The following TMEM117 variants were observed in gnomAD, a reference collection of about 807,000 sequenced individuals.
TMEM117 encodes the protein transmembrane protein 117.
Under a neutral mutation model 52.4 loss-of-function variants are expected in TMEM117, and 27 were observed. The ratio of observed to expected loss-of-function variants is 0.51; its 90% CI spans 0.38 to 0.71. TMEM117 has a LOEUF of 0.71. TMEM117 is among the 30% of genes least tolerant of loss of function. The probability of loss-of-function intolerance (pLI) is 0.00; values close to 1 mark genes in which losing one functional copy is unlikely to be tolerated. For missense variants in TMEM117, 556 were observed against 630.5 expected (o/e 0.88, Z 1.26); for synonymous variants, 215 against 206.3 (o/e 1.04, Z -0.36).
intron 6 of TMEM117, among the ~76,000 whole-genome samples, chr12:44,300,554 T>G (rs1950826671): frequency 6.6e-6 from 1 of 152,364 alleles, no homozygotes. Flanking sequence ...GATAGCAGAT[T>G]GGTTTTCTCA....
intron 6 of TMEM117, among the ~76,000 whole-genome samples, chr12:44,315,829 A>G (rs1430653693): frequency 6.6e-6 from 1 of 152,058 alleles, no homozygotes; most frequent in African/African-American, 2.4e-5. Context: ...TTCCTATTTT[A>G]TTATTGCTGG....
intron 3 of TMEM117, among the ~76,000 whole-genome samples, chr12:43,988,099 A>G (rs1336339043): frequency 6.6e-6 from 1 of 152,176 alleles, no homozygotes; most frequent in Non-Finnish European, 1.5e-5. Context: ...GAAAGACATT[A>G]CTACCTATGG....
intron 5 of TMEM117, among the ~76,000 whole-genome samples, chr12:44,271,752 G>A (rs1285919269): frequency 1.3e-5 from 2 of 151,816 alleles, no homozygotes; most frequent in Non-Finnish European, 2.9e-5. Context: ...AGATTACATC[G>A]AGCTAAAAAA....
intron 6 of TMEM117, among the ~76,000 whole-genome samples, chr12:44,361,259 TAC>T (rs1403942847): frequency 2.0e-5 from 3 of 152,156 alleles, no homozygotes; most frequent in Non-Finnish European, 2.9e-5. Context: ...ACTCCTGTAA[TAC>T]AGTGATGAGC....
chr12:44,023,134 T>A (rs529455634), intron 3 of TMEM117, among the ~76,000 whole-genome samples: 13 of 152,346 alleles, frequency 8.5e-5, no homozygotes, highest in African/African-American at 3.1e-4. Flanking sequence ...TTCATCCATG[T>A]CCCTACAGAA....
intron 5 of TMEM117, among the ~76,000 whole-genome samples, chr12:44,232,997 A>T (rs1210089327): frequency 1.3e-5 from 2 of 151,232 alleles, no homozygotes; most frequent in African/African-American, 4.8e-5. Flanking sequence ...AAGCTTATTA[A>T]ATTATTATAC....
Position 43,859,166 on chromosome 12 carries a change from T to G in TMEM117, c.277+14238T>G, listed in dbSNP as rs11182308. 8.7e-3 allele frequency among the ~76,000 whole-genome samples: 1,330 copies of G among 152,350 alleles called. 38 individuals are homozygous for G. The highest frequency in any genetic ancestry group is 0.067 in the East Asian group (347 of 5,188). On this transcript the variant is annotated intron_variant, in intron 2 of 7. Transcript: ENST00000266534. Reference sequence around the variant, plus strand: ...GAAGTCTCTGTGTTCGATTACTGTTTCTGCATTTCCTGTGTGTGAACCTGA... The same window carrying G: ...GAAGTCTCTGTGTTCGATTACTGTTGCTGCATTTCCTGTGTGTGAACCTGA...
intron 3 of TMEM117, among the ~76,000 whole-genome samples, chr12:43,970,819 G>C (rs974172346): frequency 7.9e-5 from 12 of 151,964 alleles, no homozygotes; most frequent in African/African-American, 2.9e-4. Context: ...CTCTAGTTAG[G>C]CTACTTGTAT....
chr12:44,246,005 A>G (rs555223794), intron 5 of TMEM117, among the ~76,000 whole-genome samples: 1 of 152,276 alleles, frequency 6.6e-6, no homozygotes, highest in East Asian at 1.9e-4. Flanking sequence ...GTTCTAAATT[A>G]GGTTAGAGCA....
intron 4 of TMEM117, among the ~76,000 whole-genome samples, chr12:44,195,411 T>A (rs1353310012): frequency 2.6e-5 from 4 of 152,168 alleles, no homozygotes. Context: ...AGTAAATTAG[T>A]ACCACCCAAT....
Position 43,864,215 on chromosome 12 carries a change from C to G in TMEM117, c.277+19287C>G, listed in dbSNP as rs535196935. Among the ~76,000 whole-genome samples the G allele has an allele frequency of 1.9e-4, 29 of 152,306 alleles. 1 individual carries two copies. In the South Asian group the frequency reaches 6.0e-3, roughly 32 times the overall value. On this transcript the variant is annotated intron_variant, in intron 2 of 7. Coordinates refer to ENST00000266534, the MANE Select transcript of TMEM117 (RefSeq NM_032256.3). Reference sequence around the variant, plus strand: ...TGGGTTCCTGCGCGGCCTGAGCCTCCCCGACCAGCACCTCCCCCTGCTTCA... The same window carrying G: ...TGGGTTCCTGCGCGGCCTGAGCCTCGCCGACCAGCACCTCCCCCTGCTTCA...
intron 4 of TMEM117, among the ~76,000 whole-genome samples, chr12:44,176,178 A>G (rs1379821481): frequency 6.6e-6 from 1 of 152,218 alleles, no homozygotes; most frequent in African/African-American, 2.4e-5. Flanking sequence ...TCTACATATG[A>G]AAGTGCTTGC....
intron 7 of TMEM117, among the ~76,000 whole-genome samples, chr12:44,380,411 G>A (rs533010713): frequency 2.6e-5 from 4 of 152,238 alleles, no homozygotes; most frequent in Non-Finnish European, 4.4e-5. Context: ...GAAGAGCCTG[G>A]ACAAGGACTG....
chr12:44,311,869 A>G lies in TMEM117; in HGVS notation c.768+12130A>G, dbSNP rs59199572. Among the ~76,000 whole-genome samples the G allele has an allele frequency of 3.6e-4, 25 of 70,246 alleles. No homozygotes were observed. In the East Asian group the frequency reaches 5.6e-3, roughly 16 times the overall value. 46.1% of individuals were successfully genotyped at this position (70,246 alleles called of 152,430 possible). A position where few individuals can be genotyped will look rare whatever the true frequency, so the allele number is the denominator to read the frequency against. ...TATATGTATATATGTATATATATGT[A>G]TATATATGTATATATGTATATATAT... On this transcript the variant is annotated intron_variant, in intron 6 of 7. Coordinates refer to ENST00000266534, the MANE Select transcript of TMEM117 (RefSeq NM_032256.3).
intron 3 of TMEM117, among the ~76,000 whole-genome samples, chr12:43,979,197 T>G (rs1351545926): frequency 6.6e-6 from 1 of 151,962 alleles, no homozygotes; most frequent in African/African-American, 2.4e-5. Flanking sequence ...GAGGTCTTAT[T>G]GACCAGGAAG....
chr12:44,057,607 T>C (rs756348247), intron 3 of TMEM117, among the ~76,000 whole-genome samples: 1 of 150,926 alleles, frequency 6.6e-6, no homozygotes, highest in Non-Finnish European at 1.5e-5. Flanking sequence ...ATATAGGAAA[T>C]ATGTGGCCAG....
chr12:44,198,819 T>C (rs1260435099), intron 4 of TMEM117, among the ~76,000 whole-genome samples: 2 of 152,110 alleles, frequency 1.3e-5, no homozygotes, highest in Non-Finnish European at 2.9e-5. Context: ...AGTTTTCTTA[T>C]CAGTTTTCTC....
chr12:43,941,456 A>G (rs1163472814), intron 2 of TMEM117, among the ~76,000 whole-genome samples: 2 of 152,236 alleles, frequency 1.3e-5, no homozygotes, highest in Non-Finnish European at 2.9e-5. Context: ...CAGGGAAACC[A>G]CATATATAGT....
At chr12:43,848,175 AGAACCACT>A (rs1194973254) in intron 2 of TMEM117, among the ~76,000 whole-genome samples, 3 of 152,208 alleles carry the variant, frequency 2.0e-5, no homozygotes, top group Non-Finnish European at 4.4e-5. Context: ...GGGCAAAAGC[AGAACCACT>A]GATAAGGGTC....
Sources: gnomAD v4.1 joint callset for allele counts (sites outside exome capture counted in the v4.1 genomes callset) on GRCh38, gnomAD v4.1.1 for gene constraint, MANE v1.5 for transcripts, NCBI Gene and HGNC (gene_info 2026-07-23, HGNC 2026-07-21) for gene names.